Variants in WWOX observed in about 807,000 individuals in gnomAD.
WWOX encodes the protein WW domain containing oxidoreductase.
Under a neutral mutation model 46.2 loss-of-function variants are expected in WWOX, and 69 were observed. The observed-to-expected ratio is 1.49, with a 90% CI of 1.23 to 1.82. WWOX has a LOEUF of 1.82. Ranked by LOEUF, WWOX falls within the 40% of genes most tolerant of loss-of-function variation. The pLI is 0.00. For synonymous variants in WWOX, 359 were observed against 202.6 expected (o/e 1.77, Z -6.56); for missense variants, 919 against 542.6 (o/e 1.69, Z -6.89).
intron 8 of WWOX, among the ~76,000 whole-genome samples, chr16:78,673,671 G>A (rs1402401212): frequency 2.0e-5 from 3 of 152,152 alleles, no homozygotes; most frequent in African/African-American, 2.4e-5. Context: ...CCATTACGAA[G>A]CCTAAAGTGC....
intron 8 of WWOX, among the ~76,000 whole-genome samples, chr16:78,888,030 A>C (rs1398255065): frequency 6.6e-6 from 1 of 152,240 alleles, no homozygotes; most frequent in African/African-American, 2.4e-5. Flanking sequence ...GTGCATTAGA[A>C]TATAACTGTA....
At chr16:79,114,445 T>G (rs1005454350) in intron 8 of WWOX, among the ~76,000 whole-genome samples, 1 of 151,364 alleles carries the variant, frequency 6.6e-6, no homozygotes, top group Non-Finnish European at 1.5e-5. Flanking sequence ...TGCACACACG[T>G]GTGCACACAC....
At chr16:78,857,989 A>G (rs578016548) in intron 8 of WWOX, among the ~76,000 whole-genome samples, 7 of 152,296 alleles carry the variant, frequency 4.6e-5, no homozygotes, top group South Asian at 2.1e-4. Context: ...GTGTGCATAC[A>G]TATTTATTTA....
chr16:78,599,080 G>A (rs926370607), intron 8 of WWOX, among the ~76,000 whole-genome samples: 1 of 152,128 alleles, frequency 6.6e-6, no homozygotes, highest in African/African-American at 2.4e-5. Context: ...TGTCAGGAAG[G>A]TGTCCGATCA....
intron 8 of WWOX, among the ~76,000 whole-genome samples, chr16:78,540,378 T>C (rs1307624759): frequency 6.6e-6 from 1 of 152,180 alleles, no homozygotes; most frequent in East Asian, 1.9e-4. Flanking sequence ...TGGGCCTGGA[T>C]TTTTCCCCTT....
At position 78,339,811 on chromosome 16, in the gene WWOX, A is replaced by G. The variant is rs148778856; in HGVS notation, c.517-47049A>G. On this transcript the variant is annotated intron_variant, in intron 5 of 8. Transcript: ENST00000566780. ...GTGACCGCTGTTCTCTTTCATTTCT[A>G]TCTGCTTCTCTCTTGGGAGTACAAT... Among the ~76,000 whole-genome samples the G allele has an allele frequency of 8.5e-3, 991 of 116,426 alleles. 285 individuals are homozygous for G. The highest frequency in any genetic ancestry group is 0.01 in the Non-Finnish European group (511 of 49,094). 76.4% of individuals were successfully genotyped at this position (116,426 alleles called of 152,430 possible).
chr16:78,774,536 G>C (rs957520868), intron 8 of WWOX, among the ~76,000 whole-genome samples: 1 of 150,258 alleles, frequency 6.7e-6, no homozygotes, highest in African/African-American at 2.5e-5. Flanking sequence ...GTGTGTGCGC[G>C]TGCGCACACG....
intron 5 of WWOX, among the ~76,000 whole-genome samples, chr16:78,352,706 G>A (rs536579733): frequency 6.6e-6 from 1 of 152,318 alleles, no homozygotes; most frequent in Admixed American, 6.5e-5. Context: ...ATAGATATCA[G>A]GGATTAGTTC....
chr16:78,264,979 C>G, intron 5 of WWOX: 1 of 133,888 alleles, frequency 7.5e-6, no homozygotes, highest in East Asian at 2.4e-4. Flanking sequence ...CCCTCCCTTC[C>G]CTTCCCTTTC....
intron 8 of WWOX, among the ~76,000 whole-genome samples, chr16:78,491,839 C>G (rs751565360): frequency 6.6e-6 from 1 of 152,140 alleles, no homozygotes; most frequent in African/African-American, 2.4e-5. Context: ...GGCACAGATG[C>G]CTCCAGTGGC....
At chr16:78,234,017 C>T (rs553764010) in intron 5 of WWOX, among the ~76,000 whole-genome samples, 1 of 152,264 alleles carries the variant, frequency 6.6e-6, no homozygotes, top group Admixed American at 6.5e-5. Context: ...TCCTAACATT[C>T]TAAGCCTGGG....
At chr16:78,980,448 C>T (rs1458853563) in intron 8 of WWOX, among the ~76,000 whole-genome samples, 2 of 152,360 alleles carry the variant, frequency 1.3e-5, no homozygotes, top group East Asian at 3.9e-4. Flanking sequence ...GACAACATCA[C>T]AGTCAAACCT....
intron 8 of WWOX, among the ~76,000 whole-genome samples, chr16:79,086,573 G>T (rs903533910): frequency 2.0e-5 from 3 of 152,134 alleles, no homozygotes; most frequent in African/African-American, 7.2e-5. Context: ...CCTGACTCTG[G>T]GGTGTGGATA....
intron 8 of WWOX, among the ~76,000 whole-genome samples, chr16:78,764,483 A>T (rs574678119): frequency 3.4e-5 from 5 of 147,966 alleles, no homozygotes; most frequent in Admixed American, 2.8e-4. Flanking sequence ...GACTGTTTTC[A>T]TCCAAACCAG....
At chr16:78,960,825 T>A (rs2046257709) in intron 8 of WWOX, among the ~76,000 whole-genome samples, 1 of 152,218 alleles carries the variant, frequency 6.6e-6, no homozygotes, top group African/African-American at 2.4e-5. Context: ...CATCCTGTTT[T>A]ACTGAATCTC....
intron 5 of WWOX, among the ~76,000 whole-genome samples, chr16:78,357,854 C>A (rs139402136): frequency 1.3e-5 from 2 of 152,272 alleles, no homozygotes; most frequent in African/African-American, 4.8e-5. Flanking sequence ...AAATAGCTAA[C>A]CAGTAGCAGA....
At chr16:78,153,086 C>T (rs781759700) in intron 4 of WWOX, among the ~76,000 whole-genome samples, 14 of 152,182 alleles carry the variant, frequency 9.2e-5, no homozygotes, top group African/African-American at 2.4e-4. Flanking sequence ...AGCTGTGGAT[C>T]GTGTTTAGTA....
chr16:78,597,964 T>C (rs1268406002), intron 8 of WWOX, among the ~76,000 whole-genome samples: 2 of 152,140 alleles, frequency 1.3e-5, no homozygotes, highest in East Asian at 3.9e-4. Flanking sequence ...TGCCCTTTAA[T>C]AGTGTAGCTT....
rs139521894 is a variant in WWOX at position 78,678,901 on chromosome 16, C to T, written c.1056+246149C>T. Among the ~76,000 whole-genome samples, 26 of 152,306 alleles carry T rather than the reference C, an allele frequency of 1.7e-4. No individual in the cohort carries two copies. The East Asian group carries it at 4.6e-3, about 27-fold the overall frequency. ...ACTGAGGCTCACAGAGGTTAAGCCACCTACCCAGGCTGGCACCGCACACTT... is the reference window on the plus strand; with the variant it reads ...ACTGAGGCTCACAGAGGTTAAGCCATCTACCCAGGCTGGCACCGCACACTT... On this transcript the variant is annotated intron_variant, in intron 8 of 8. Coordinates refer to ENST00000566780, the MANE Select transcript of WWOX (RefSeq NM_016373.4).
Sources: gnomAD v4.1 joint callset for allele counts (sites outside exome capture counted in the v4.1 genomes callset) on GRCh38, gnomAD v4.1.1 for gene constraint, MANE v1.5 for transcripts, NCBI Gene and HGNC (gene_info 2026-07-23, HGNC 2026-07-21) for gene names.